DIP2C: variants seen among roughly 807,000 people sequenced by gnomAD.
The protein encoded by DIP2C is disco-interacting protein 2 homolog C.
DIP2C carries 33 observed loss-of-function variants against 192.4 expected under a neutral mutation model. The observed-to-expected ratio is 0.17, with a 90% CI of 0.13 to 0.23. The LOEUF (loss-of-function observed/expected upper bound fraction) is 0.23, where lower values mean the gene tolerates loss of function less well. Among genes scored for constraint, DIP2C ranks in the 10% least tolerant of loss-of-function variants. DIP2C has a pLI of 1.00. For missense variants in DIP2C, 1,537 were observed against 2,110.1 expected, an observed-to-expected ratio of 0.73 and a Z score of 5.32; for synonymous variants, 979 against 864.1, an observed-to-expected ratio of 1.13 and a Z score of -2.33.
Position 417,799 on chromosome 10 carries a change from T to C in DIP2C, c.739+1266A>G, listed in dbSNP as rs112496618. On this transcript the variant is annotated intron_variant, in intron 6 of 36. Transcript: ENST00000280886. ...CTGTCAGGGCTCGGATAGGCCTCCC[T>C]GTCCACCTGTTCCTGTCAGGGCGCG... Among the ~76,000 whole-genome samples the C allele has an allele frequency of 7.8e-4, 82 of 104,966 alleles. 15 individuals are homozygous for C. The highest frequency in any genetic ancestry group is 3.9e-3 in the African/African-American group (81 of 20,894). 68.9% of individuals were successfully genotyped at this position (104,966 alleles called of 152,430 possible). A position where few individuals can be genotyped will look rare whatever the true frequency, so the allele number is the denominator to read the frequency against.
intron 1 of DIP2C, among the ~76,000 whole-genome samples, chr10:676,864 G>A (rs1412737932): frequency 6.6e-6 from 1 of 152,074 alleles, no homozygotes; most frequent in Non-Finnish European, 1.5e-5. Context: ...GAGGTTTAGT[G>A]TTCTATAGCC....
At chr10:414,739 G>GTGTGTGTGTGTATATATATATATA in intron 7 of DIP2C, among the ~76,000 whole-genome samples, 19 of 90,536 alleles carry the variant, frequency 2.1e-4, no homozygotes, top group African/African-American at 6.7e-4. Context: ...GTGTGTGTGT[G>GTGTGTGTGTGTATATATATATATA]TACATATATA....
intron 4 of DIP2C, among the ~76,000 whole-genome samples, chr10:428,941 T>A (rs1006575487): frequency 6.6e-6 from 1 of 152,108 alleles, no homozygotes; most frequent in African/African-American, 2.4e-5. Flanking sequence ...TATAGTGATG[T>A]CTCACTTATC....
intron 26 of DIP2C, 83 bp from the exon 27 acceptor site, chr10:345,193 A>G: frequency 7.9e-7 from 1 of 1,269,998 alleles, no homozygotes; most frequent in Non-Finnish European, 1.1e-6. Flanking sequence ...CCTGCTTACT[A>G]CATACACTAA....
intron 1 of DIP2C, among the ~76,000 whole-genome samples, chr10:566,820 T>C (rs1305574609): frequency 2.0e-5 from 3 of 152,218 alleles, no homozygotes; most frequent in South Asian, 2.1e-4. Flanking sequence ...GCAGCGTCTA[T>C]GGCTGCTGTG....
chr10:483,942 A>T (rs1017265344), intron 2 of DIP2C, among the ~76,000 whole-genome samples: 25 of 152,038 alleles, frequency 1.6e-4, no homozygotes, highest in African/African-American at 5.5e-4. Flanking sequence ...TCAGCCTCCC[A>T]TATAGCTGGG....
chr10:401,653 A>T (rs1358258117), intron 9 of DIP2C, among the ~76,000 whole-genome samples: 1 of 146,634 alleles, frequency 6.8e-6, no homozygotes, highest in Non-Finnish European at 1.5e-5. Flanking sequence ...CAGCACATGA[A>T]TCCTATGATT....
intron 1 of DIP2C, among the ~76,000 whole-genome samples, chr10:680,927 C>T (rs534008936): frequency 4.4e-4 from 67 of 152,134 alleles, no homozygotes; most frequent in African/African-American, 1.5e-3. Context: ...GTGCAGCCAC[C>T]GCCTGTGGCC....
At chr10:386,991 T>C (rs1439141992) in intron 14 of DIP2C, among the ~76,000 whole-genome samples, 3 of 152,056 alleles carry the variant, frequency 2.0e-5, no homozygotes, top group African/African-American at 7.2e-5. Flanking sequence ...GACAGTCGTT[T>C]CCCTACAACA....
intron 1 of DIP2C, among the ~76,000 whole-genome samples, chr10:503,061 A>G (rs1845355771): frequency 6.6e-6 from 1 of 151,808 alleles, no homozygotes. Context: ...CACAATTCCA[A>G]CATAAATTCC....
At chr10:396,561 G>A (rs1325579961) in intron 10 of DIP2C, among the ~76,000 whole-genome samples, 1 of 152,038 alleles carries the variant, frequency 6.6e-6, no homozygotes, top group Non-Finnish European at 1.5e-5. Context: ...TTTCACTGTC[G>A]CTTAGAGACC....
At chr10:544,820 T>C (rs1477560086) in intron 1 of DIP2C, among the ~76,000 whole-genome samples, 1 of 152,270 alleles carries the variant, frequency 6.6e-6, no homozygotes, top group African/African-American at 2.4e-5. Flanking sequence ...ATATTCTTGA[T>C]ATCAGGCCCT....
rs559702273 is a variant in DIP2C, at chr10:434,305, G to A, written c.394+6566C>T. Among the ~76,000 whole-genome samples, 6 of 152,196 alleles carry A rather than the reference G, an allele frequency of 3.9e-5. No homozygotes were observed. The East Asian group carries it at 9.6e-4, about 24-fold the overall frequency. On this transcript the variant is annotated intron_variant, in intron 4 of 36. Coordinates refer to ENST00000280886, the MANE Select transcript of DIP2C (RefSeq NM_014974.3). ...TTGATGCTTTTTCTTAACAGTCAAGGTCTTGCTCTGTTGCCCAGGGTGGAG... is the reference window on the plus strand; with the variant it reads ...TTGATGCTTTTTCTTAACAGTCAAGATCTTGCTCTGTTGCCCAGGGTGGAG...
At chr10:564,640 C>T (rs529010296) in intron 1 of DIP2C, among the ~76,000 whole-genome samples, 20 of 152,248 alleles carry the variant, frequency 1.3e-4, no homozygotes, top group Non-Finnish European at 2.2e-4. Context: ...TCATCTCTAA[C>T]ATGAGGTAAA....
chr10:481,991 G>A (rs567424697), intron 2 of DIP2C, among the ~76,000 whole-genome samples: 1 of 152,344 alleles, frequency 6.6e-6, no homozygotes, highest in East Asian at 1.9e-4. Context: ...TTAGCGTTTA[G>A]TAACCACCAC....
intron 1 of DIP2C, among the ~76,000 whole-genome samples, chr10:583,127 G>A (rs1850770787): frequency 2.0e-5 from 3 of 152,184 alleles, no homozygotes; most frequent in Admixed American, 1.3e-4. Flanking sequence ...ACAGAGAAAT[G>A]CATGAGCATA....
intron 3 of DIP2C, among the ~76,000 whole-genome samples, chr10:459,359 C>T (rs1969565549): frequency 1.2e-5 from 1 of 83,600 alleles, no homozygotes; most frequent in Non-Finnish European, 2.9e-5. Context: ...CTGTTGGAAG[C>T]TTGCTGTCCC....
intron 1 of DIP2C, among the ~76,000 whole-genome samples, chr10:490,324 G>A (rs896995568): frequency 1.6e-4 from 25 of 152,324 alleles, no homozygotes; most frequent in South Asian, 4.1e-4. Context: ...ATGCAGCTAC[G>A]TAAACTAAAG....
intron 1 of DIP2C, among the ~76,000 whole-genome samples, chr10:603,464 C>T (rs760835995): frequency 5.9e-5 from 9 of 152,044 alleles, no homozygotes; most frequent in East Asian, 1.9e-4. Flanking sequence ...AATCCTAACA[C>T]GTCATGTGTT....
Sources: gnomAD v4.1 joint callset for allele counts (sites outside exome capture counted in the v4.1 genomes callset) on GRCh38, gnomAD v4.1.1 for gene constraint, MANE v1.5 for transcripts, NCBI Gene and HGNC (gene_info 2026-07-23, HGNC 2026-07-21) for gene names.